Variants in KCNK9 observed in about 807,000 individuals in gnomAD.
KCNK9 encodes the protein potassium two pore domain channel subfamily K member 9.
KCNK9 carries 1 observed loss-of-function variant against 10.8 expected under a neutral mutation model. The ratio of observed to expected loss-of-function variants is 0.09; its 90% CI spans 0.03 to 0.44. The LOEUF is 0.44. KCNK9 is among the 20% of genes least tolerant of loss of function. KCNK9 has a pLI of 0.97. For missense variants in KCNK9, 303 were observed against 515.0 expected (o/e 0.59, Z 3.98); for synonymous variants, 231 against 222.7 (o/e 1.04, Z -0.33).
At chr8:139,672,610 G>T (rs1239187307) in intron 1 of KCNK9, among the ~76,000 whole-genome samples, 1 of 152,220 alleles carries the variant, frequency 6.6e-6, no homozygotes, top group Non-Finnish European at 1.5e-5. Context: ...GCCCCCAGGG[G>T]AGCCTGTAGC....
At chr8:139,689,737 G>C (rs1816895926) in intron 1 of KCNK9, among the ~76,000 whole-genome samples, 1 of 150,814 alleles carries the variant, frequency 6.6e-6, no homozygotes, top group Admixed American at 6.7e-5. Flanking sequence ...CTGCCTCCCA[G>C]GTTCACGCCA....
chr8:139,656,700 A>G (rs192096646), intron 1 of KCNK9, among the ~76,000 whole-genome samples: 34 of 152,282 alleles, frequency 2.2e-4, no homozygotes, highest in African/African-American at 7.9e-4. Flanking sequence ...ATGCTTCTTC[A>G]ATGACCATGG....
intron 1 of KCNK9, among the ~76,000 whole-genome samples, chr8:139,636,854 C>T (rs1350435837): frequency 2.0e-5 from 3 of 152,314 alleles, no homozygotes; most frequent in African/African-American, 7.2e-5. Context: ...GCACAGCAAT[C>T]ACAATAGCTG....
At chr8:139,643,073 C>G (rs985827454) in intron 1 of KCNK9, among the ~76,000 whole-genome samples, 1 of 152,152 alleles carries the variant, frequency 6.6e-6, no homozygotes, top group Non-Finnish European at 1.5e-5. Context: ...CCCTGCCTGA[C>G]CCCCTTGGCC....
intron 1 of KCNK9, among the ~76,000 whole-genome samples, chr8:139,628,960 G>A (rs1380798567): frequency 6.6e-6 from 1 of 152,128 alleles, no homozygotes; most frequent in Admixed American, 6.5e-5. Flanking sequence ...CTCGTCCCTG[G>A]TTGACCCATG....
At chr8:139,654,320 T>G (rs1391298248) in intron 1 of KCNK9, among the ~76,000 whole-genome samples, 1 of 152,218 alleles carries the variant, frequency 6.6e-6, no homozygotes, top group Non-Finnish European at 1.5e-5. Context: ...TGGGGATGGC[T>G]CTGCCTGGTC....
At chr8:139,663,021 C>T (rs973785469) in intron 1 of KCNK9, among the ~76,000 whole-genome samples, 1 of 152,196 alleles carries the variant, frequency 6.6e-6, no homozygotes, top group Non-Finnish European at 1.5e-5. Flanking sequence ...CCCTCCAGCC[C>T]CACAAAGTGC....
chr8:139,662,881 G>C (rs1455631385), intron 1 of KCNK9, among the ~76,000 whole-genome samples: 3 of 150,690 alleles, frequency 2.0e-5, no homozygotes, highest in South Asian at 2.1e-4. Context: ...GAAGGGGGGG[G>C]GGCTGGAGGA....
At chr8:139,613,167 G>T (rs1814484425), downstream of KCNK9, among the ~76,000 whole-genome samples, 1 of 152,226 alleles carries the variant, frequency 6.6e-6, no homozygotes, top group Non-Finnish European at 1.5e-5. Flanking sequence ...CCACTGAAAA[G>T]TTGCAGACAT....
chr8:139,677,642 A>AGCC (rs1563747594), intron 1 of KCNK9, among the ~76,000 whole-genome samples: 1 of 35,502 alleles, frequency 2.8e-5, no homozygotes, highest in African/African-American at 8.5e-5. Flanking sequence ...CCAGCCCAAC[A>AGCC]AGACCCCAGG....
At position 139,617,374 on chromosome 8, in the gene KCNK9, T is replaced by TAAAA. The variant is rs1814631939; in HGVS notation, c.*880_*883dup. Among the ~76,000 whole-genome samples, 1 of 152,208 alleles carries TAAAA rather than the reference T, an allele frequency of 6.6e-6. No homozygotes were observed. Among genetic ancestry groups the TAAAA allele is most frequent in the African/African-American group, 2.4e-5 (1 of 41,448 alleles). ...TTGTTGGAACTGGAGGTGACAAAATTAAAAATGTCTTTTATAAGTTAATGT... is the reference window on the plus strand; with the variant it reads ...TTGTTGGAACTGGAGGTGACAAAATTAAAAAAAAATGTCTTTTATAAGTTAATGT... On this transcript the variant is annotated 3_prime_UTR_variant, in exon 2 of 2. Transcript: ENST00000520439.
chr8:139,654,489 C>T (rs887631532), intron 1 of KCNK9, among the ~76,000 whole-genome samples: 1 of 152,218 alleles, frequency 6.6e-6, no homozygotes, highest in African/African-American at 2.4e-5. Context: ...GACCCTCTGG[C>T]TTCCTGGATG....
At chr8:139,641,634 C>A (rs1004802523) in intron 1 of KCNK9, among the ~76,000 whole-genome samples, 4 of 55,238 alleles carry the variant, frequency 7.2e-5, no homozygotes, top group African/African-American at 2.5e-4. Context: ...TGGCCTGCCC[C>A]CCCCCCGCAC....
At chr8:139,638,140 G>A (rs985910648) in intron 1 of KCNK9, among the ~76,000 whole-genome samples, 2 of 151,870 alleles carry the variant, frequency 1.3e-5, no homozygotes, top group Admixed American at 1.3e-4. Context: ...AAGGCAGAAC[G>A]AGGGAAGACA....
chr8:139,604,097 G>A (rs1339377434), intron 2 of KCNK9, among the ~76,000 whole-genome samples: 2 of 152,202 alleles, frequency 1.3e-5, no homozygotes, highest in Non-Finnish European at 2.9e-5. Flanking sequence ...TTTGGGGTAG[G>A]AGGAGCAGAG....
chr8:139,683,252 C>T (rs1816727952), intron 1 of KCNK9, among the ~76,000 whole-genome samples: 1 of 152,154 alleles, frequency 6.6e-6, no homozygotes, highest in African/African-American at 2.4e-5. Flanking sequence ...AGAGCAGGTG[C>T]CCTGGAAGCC....
At chr8:139,641,213 G>A (rs1233133910) in intron 1 of KCNK9, among the ~76,000 whole-genome samples, 4 of 152,136 alleles carry the variant, frequency 2.6e-5, no homozygotes, top group Non-Finnish European at 5.9e-5. Context: ...AGAACCCTGG[G>A]CCCGGACCCT....
intron 1 of KCNK9, among the ~76,000 whole-genome samples, chr8:139,694,853 TC>T (rs1817014896): frequency 6.6e-6 from 1 of 151,976 alleles, no homozygotes; most frequent in Admixed American, 6.6e-5. Context: ...GAGCAGCCAC[TC>T]CCTGGCCAGG....
intron 1 of KCNK9, among the ~76,000 whole-genome samples, chr8:139,643,353 T>TG (rs1004877952): frequency 2.0e-5 from 3 of 152,338 alleles, no homozygotes; most frequent in Admixed American, 6.5e-5. Context: ...TCACCCGGAC[T>TG]GGGGGGTTCC....
Sources: allele counts gnomAD v4.1 joint callset (sites outside exome capture counted in the v4.1 genomes callset), GRCh38; gene constraint gnomAD v4.1.1; transcripts MANE v1.5; gene names NCBI Gene and HGNC (gene_info 2026-07-23, HGNC 2026-07-21).